The following ZNG1B variants were observed in gnomAD, a reference collection of about 807,000 sequenced individuals.
The protein encoded by ZNG1B is zinc-regulated GTPase metalloprotein activator 1B.
At chr2:113,461,029 A>T in the ZNG1B span, among the ~76,000 whole-genome samples, 1 of 145,476 alleles carries the variant, frequency 6.9e-6, no homozygotes, top group Non-Finnish European at 1.5e-5. Flanking sequence ...TGAAGATTTT[A>T]TATATATATA....
chr2:113,465,605 T>C, the ZNG1B span, among the ~76,000 whole-genome samples: 1 of 151,800 alleles, frequency 6.6e-6, no homozygotes, highest in African/African-American at 2.4e-5. Flanking sequence ...AATTCTTTTA[T>C]TAAATTTTGA....
chr2:113,439,230 C>T, the ZNG1B span: 13 of 1,469,678 alleles, frequency 8.8e-6, no homozygotes, highest in Non-Finnish European at 8.3e-6. Flanking sequence ...TGACCATTTT[C>T]CCTTTCTGAA....
chr2:113,454,409 A>G, the ZNG1B span, among the ~76,000 whole-genome samples: 3 of 151,714 alleles, frequency 2.0e-5, no homozygotes, highest in African/African-American at 7.3e-5. Context: ...ACATTTGACT[A>G]TGTTATGAAA....
chr2:113,439,987 C>T, the ZNG1B span, among the ~76,000 whole-genome samples: 3 of 148,126 alleles, frequency 2.0e-5, no homozygotes, highest in Non-Finnish European at 3.0e-5. Context: ...CGGGTTCACG[C>T]CATTCTCCTG....
chr2:113,456,395 C>A, the ZNG1B span, among the ~76,000 whole-genome samples: 13 of 150,884 alleles, frequency 8.6e-5, no homozygotes, highest in South Asian at 2.7e-3. Context: ...TCTACCTCTT[C>A]CATAAATTTA....
the ZNG1B span, among the ~76,000 whole-genome samples, chr2:113,449,964 A>T: frequency 6.7e-6 from 1 of 149,268 alleles, no homozygotes; most frequent in East Asian, 2.0e-4. Flanking sequence ...TTGTTTGGGA[A>T]CACTTTCATT....
At chr2:113,488,860 C>A in the ZNG1B span, among the ~76,000 whole-genome samples, 1 of 152,106 alleles carries the variant, frequency 6.6e-6, no homozygotes, top group East Asian at 1.9e-4. Context: ...TTCAAGAAAT[C>A]TGGAATTATG....
At chr2:113,470,208 G>A in the ZNG1B span, 1 of 151,406 alleles carries the variant, frequency 6.6e-6, no homozygotes, top group Admixed American at 6.6e-5. Flanking sequence ...TCCATGGCCA[G>A]GATGGTCTTG....
At chr2:113,438,723 T>C in the ZNG1B span, among the ~76,000 whole-genome samples, 66 of 152,082 alleles carry the variant, frequency 4.3e-4, no homozygotes, top group African/African-American at 1.5e-3. Flanking sequence ...TGGAAAAGTT[T>C]GAGAAATATA....
the ZNG1B span, chr2:113,470,936 T>C: frequency 7.3e-7 from 1 of 1,372,674 alleles, no homozygotes; most frequent in Non-Finnish European, 1.0e-6. Context: ...ATGAATTTTA[T>C]GTATAAAATT....
chr2:113,437,960 A>G, the ZNG1B span: 1 of 1,612,006 alleles, frequency 6.2e-7, no homozygotes, highest in Non-Finnish European at 8.5e-7. Flanking sequence ...ACGCAAAGCG[A>G]GGAGGAGGAA....
At chr2:113,485,098 C>G in the ZNG1B span, among the ~76,000 whole-genome samples, 2 of 144,008 alleles carry the variant, frequency 1.4e-5, no homozygotes, top group Non-Finnish European at 3.0e-5. Flanking sequence ...TTTGCCCCTT[C>G]CTAGTCAAAG....
the ZNG1B span, chr2:113,453,114 T>A: frequency 6.4e-7 from 1 of 1,563,662 alleles, no homozygotes; most frequent in Non-Finnish European, 8.6e-7. Context: ...AATATTTTTA[T>A]TTGATGAATA....
chr2:113,484,507 A>T, the ZNG1B span, among the ~76,000 whole-genome samples: 5 of 152,338 alleles, frequency 3.3e-5, no homozygotes, highest in Middle Eastern at 3.4e-3. Flanking sequence ...ATTTTGGGAT[A>T]GCATGTCCTG....
At chr2:113,442,097 A>G in the ZNG1B span, among the ~76,000 whole-genome samples, 1 of 152,182 alleles carries the variant, frequency 6.6e-6, no homozygotes, top group East Asian at 1.9e-4. Flanking sequence ...ATTGCAACTC[A>G]TGAAAAATAC....
At chr2:113,452,663 CA>C in the ZNG1B span, among the ~76,000 whole-genome samples, 1 of 117,020 alleles carries the variant, frequency 8.5e-6, no homozygotes, top group Non-Finnish European at 1.7e-5. Context: ...ACACAGATTA[CA>C]AGTAAATTTT....
At chr2:113,481,651 T>C in the ZNG1B span, 1 of 154,232 alleles carries the variant, frequency 6.5e-6, no homozygotes, top group African/African-American at 2.4e-5. Context: ...TGACTTTCTT[T>C]TTCTCTCAAT....
At chr2:113,445,103 T>C in the ZNG1B span, 12 of 1,597,182 alleles carry the variant, frequency 7.5e-6, no homozygotes, top group African/African-American at 1.1e-4. Context: ...TGTGATATAC[T>C]GTAAATAGAT....
the ZNG1B span, among the ~76,000 whole-genome samples, chr2:113,477,896 C>T: frequency 7.2e-5 from 11 of 152,294 alleles, no homozygotes; most frequent in East Asian, 2.1e-3. Flanking sequence ...AATTACCTGA[C>T]GCAAGTGGAA....
Sources: allele counts gnomAD v4.1 joint callset (sites outside exome capture counted in the v4.1 genomes callset), GRCh38; gene constraint gnomAD v4.1.1; transcripts MANE v1.5; gene names NCBI Gene and HGNC (gene_info 2026-07-23, HGNC 2026-07-21).